The following ROBO1 variants were observed in gnomAD, a reference collection of about 807,000 sequenced individuals.
The protein encoded by ROBO1 is roundabout guidance receptor 1, also known as roundabout homolog 1.
In ROBO1, 149 loss-of-function variants were observed where a neutral mutation model predicts 195.9. The ratio of observed to expected loss-of-function variants is 0.76; its 90% CI spans 0.67 to 0.87. The LOEUF (loss-of-function observed/expected upper bound fraction) is 0.87, where lower values mean the gene tolerates loss of function less well. Ranked by LOEUF, ROBO1 falls within the 40% of genes least tolerant of loss-of-function variation. ROBO1 has a pLI of 0.00. For missense variants in ROBO1, 1,933 were observed against 2,068.3 expected (o/e 0.93, Z 1.27); for synonymous variants, 816 against 733.2 (o/e 1.11, Z -1.82).
At chr3:79,572,901 G>T (rs1178485495) in intron 2 of ROBO1, among the ~76,000 whole-genome samples, 4 of 151,966 alleles carry the variant, frequency 2.6e-5, no homozygotes, top group Non-Finnish European at 1.5e-5. Context: ...AATCAGATAC[G>T]CAATATAAGA....
intron 2 of ROBO1, among the ~76,000 whole-genome samples, chr3:79,280,475 T>A (rs1304746381): frequency 6.6e-6 from 1 of 152,168 alleles, no homozygotes; most frequent in Non-Finnish European, 1.5e-5. Flanking sequence ...AGGGAGCAGA[T>A]AAAACACACC....
intron 9 of ROBO1, 70 bp downstream of exon 9, chr3:78,688,578 T>C (rs2081100946): frequency 2.1e-6 from 3 of 1,447,534 alleles, no homozygotes; most frequent in South Asian, 2.9e-5. Flanking sequence ...AATATGTTGG[T>C]TTTTCTTCTC....
At chr3:79,760,023 G>A (rs1036781490) in intron 1 of ROBO1, among the ~76,000 whole-genome samples, 6 of 151,892 alleles carry the variant, frequency 4.0e-5, no homozygotes, top group Admixed American at 3.9e-4. Context: ...GATCACCTGA[G>A]GTCAGGAGTT....
intron 3 of ROBO1, among the ~76,000 whole-genome samples, chr3:78,986,651 G>A (rs1430302314): frequency 6.6e-6 from 1 of 152,114 alleles, no homozygotes; most frequent in Non-Finnish European, 1.5e-5. Context: ...TTAATGGAGT[G>A]TCCTCTAAAT....
chr3:78,842,573 TTATATATTTATATATGAGCCATA>T (rs920309027), intron 4 of ROBO1, among the ~76,000 whole-genome samples: 5 of 104,776 alleles, frequency 4.8e-5, no homozygotes, highest in African/African-American at 1.7e-4. Flanking sequence ...TATGAGCCAT[TTATATATTTATATATGAGCCATA>T]TATATATTTT....
At chr3:79,492,048 G>C (rs1939486842) in intron 2 of ROBO1, among the ~76,000 whole-genome samples, 1 of 152,054 alleles carries the variant, frequency 6.6e-6, no homozygotes, top group Non-Finnish European at 1.5e-5. Flanking sequence ...ACAAGAGACA[G>C]GCTCTACAAG....
intron 3 of ROBO1, among the ~76,000 whole-genome samples, chr3:78,966,208 T>C (rs2076640987): frequency 6.6e-6 from 1 of 152,198 alleles, no homozygotes; most frequent in South Asian, 2.1e-4. Flanking sequence ...TGCCCCTCTC[T>C]GTCTGTGGAA....
intron 3 of ROBO1, among the ~76,000 whole-genome samples, chr3:78,961,953 T>TA (rs748600333): frequency 1.2e-4 from 18 of 151,862 alleles, no homozygotes; most frequent in Non-Finnish European, 2.2e-4. Flanking sequence ...TTTTTTTTTT[T>TA]ACCTCTCTAC....
intron 2 of ROBO1, among the ~76,000 whole-genome samples, chr3:79,456,621 C>T (rs1186737825): frequency 6.6e-6 from 1 of 152,156 alleles, no homozygotes; most frequent in Non-Finnish European, 1.5e-5. Context: ...ATGAAGTTTT[C>T]TCTATCTGAA....
In ROBO1 at chr3:78,692,527, TCCCAATGTGCTGGGATTA is replaced by T. The variant is rs554813062; in HGVS notation, c.1046-3773_1046-3756del. Among the ~76,000 whole-genome samples the T allele has an allele frequency of 2.9e-3, 440 of 152,252 alleles. 3 individuals are homozygous for T. Among genetic ancestry groups the T allele is most frequent in the African/African-American group, 9.9e-3 (411 of 41,542 alleles). On this transcript the variant is annotated intron_variant, in intron 8 of 30. Coordinates refer to ENST00000464233, the MANE Select transcript of ROBO1 (RefSeq NM_002941.4). ...CTCAAATTATTCACCCACCTCGGCC[TCCCAATGTGCTGGGATTA>T]CAGGTGTGAGCCGCCATGCCAGACC... is the stretch of plus-strand genomic sequence containing the variant.
intron 2 of ROBO1, among the ~76,000 whole-genome samples, chr3:79,498,460 T>C (rs1939868637): frequency 6.6e-6 from 1 of 152,214 alleles, no homozygotes; most frequent in Non-Finnish European, 1.5e-5. Flanking sequence ...AATTTAAGCA[T>C]ATATAGGTTT....
At position 78,661,262 on chromosome 3, in the gene ROBO1, C is replaced by G; in HGVS notation, c.2089-1G>C. 2.0e-6 allele frequency: 3 copies of G among 1,490,796 alleles called. No homozygotes were observed. The highest frequency in any genetic ancestry group is 2.7e-6 in the Non-Finnish European group (3 of 1,103,982). 92.3% of individuals were successfully genotyped at this position (1,490,796 alleles called of 1,614,324 possible). The stretch of plus-strand genomic sequence containing the variant: ...GTATATACTGAGACTGTTGATCTAC[C>G]TATTAAAAAGACAAGTAAAATGTAA... On this transcript the variant is annotated splice_acceptor_variant, in intron 15 of 30. Coordinates refer to ENST00000464233, the MANE Select transcript of ROBO1 (RefSeq NM_002941.4). LOFTEE classifies it high-confidence loss of function.
At chr3:79,483,056 C>T (rs1938952070) in intron 2 of ROBO1, among the ~76,000 whole-genome samples, 3 of 152,160 alleles carry the variant, frequency 2.0e-5, no homozygotes, top group Admixed American at 1.3e-4. Flanking sequence ...ACTTCTCCAC[C>T]CTGCTCTGTC....
chr3:78,999,003 C>CAAA (rs2077432994), intron 3 of ROBO1, among the ~76,000 whole-genome samples: 2 of 151,926 alleles, frequency 1.3e-5, no homozygotes, highest in Non-Finnish European at 2.9e-5. Context: ...AAATGCAAAT[C>CAAA]AAAACTACAA....
At chr3:78,957,753 C>A (rs2041124206) in intron 3 of ROBO1, among the ~76,000 whole-genome samples, 1 of 152,148 alleles carries the variant, frequency 6.6e-6, no homozygotes, top group East Asian at 1.9e-4. Context: ...GGCAAATAGA[C>A]CTAATTGTCT....
intron 1 of ROBO1, among the ~76,000 whole-genome samples, chr3:79,596,377 C>A (rs58579705): frequency 6.6e-6 from 1 of 151,908 alleles, no homozygotes; most frequent in Non-Finnish European, 1.5e-5. Flanking sequence ...AAGGAAGTAG[C>A]CAAAGTGGGA....
intron 2 of ROBO1, among the ~76,000 whole-genome samples, chr3:79,142,868 A>C (rs991781091): frequency 2.6e-5 from 4 of 152,116 alleles, no homozygotes; most frequent in Admixed American, 6.6e-5. Context: ...CTATGTATGA[A>C]CATTTTAAGG....
intron 1 of ROBO1, among the ~76,000 whole-genome samples, chr3:79,764,444 G>A (rs1704876259): frequency 6.6e-6 from 1 of 152,214 alleles, no homozygotes; most frequent in Non-Finnish European, 1.5e-5. Context: ...TAGGTGGCAA[G>A]AAGGAGCTCA....
chr3:79,144,831 C>G (rs2080610460), intron 2 of ROBO1, among the ~76,000 whole-genome samples: 1 of 151,942 alleles, frequency 6.6e-6, no homozygotes, highest in African/African-American at 2.4e-5. Flanking sequence ...AGACGGAAAT[C>G]TGTTACGTTG....
Sources: gnomAD v4.1 joint callset for allele counts (sites outside exome capture counted in the v4.1 genomes callset) on GRCh38, gnomAD v4.1.1 for gene constraint, MANE v1.5 for transcripts, NCBI Gene and HGNC (gene_info 2026-07-23, HGNC 2026-07-21) for gene names.